The following DNPEP variants were observed in gnomAD, a reference collection of about 807,000 sequenced individuals.
DNPEP encodes aspartyl aminopeptidase.
DNPEP carries 46 observed loss-of-function variants against 59.1 expected under a neutral mutation model. The observed-to-expected ratio is 0.78, with a 90% CI of 0.61 to 0.99. The LOEUF (loss-of-function observed/expected upper bound fraction) is 0.99, where lower values mean the gene tolerates loss of function less well. Among genes scored for constraint, DNPEP ranks in the 50% least tolerant of loss-of-function variants. The probability of loss-of-function intolerance (pLI) is 0.00; values close to 1 mark genes in which losing one functional copy is unlikely to be tolerated. For missense variants in DNPEP, 617 were observed against 649.9 expected (o/e 0.95, Z 0.55); for synonymous variants, 229 against 242.2 (o/e 0.95, Z 0.50).
In DNPEP at chr2:219,373,126, T is replaced by C. The variant is rs1953243342; in HGVS notation, c.*1166A>G. ...CCTTGTTGCCCAGGCTAGAGTGCAA[T>C]GGCAGGATCTTGGCTCACCACAACC... On this transcript the variant is annotated 3_prime_UTR_variant, in exon 15 of 15. Coordinates refer to ENST00000273075, the MANE Select transcript of DNPEP (RefSeq NM_012100.4). 6.6e-6 allele frequency among the ~76,000 whole-genome samples: 1 copy of C among 151,910 alleles called. No individual in the cohort carries two copies. Among genetic ancestry groups the C allele is most frequent in the African/African-American group, 2.4e-5 (1 of 41,352 alleles).
At position 219,374,023 on chromosome 2, in the gene DNPEP, C is replaced by T. The variant is rs976642674; in HGVS notation, c.*269G>A. The T allele has an allele frequency of 4.6e-6, 2 of 436,642 alleles. No homozygotes were observed. Among genetic ancestry groups the T allele is most frequent in the Admixed American group, 7.1e-5 (2 of 28,026 alleles). The allele number at this position is 436,642 out of a possible 1,614,324, so 27.0% of individuals were successfully genotyped here. A position where few individuals can be genotyped will look rare whatever the true frequency, so the allele number is the denominator to read the frequency against. ...CTTGAGGATCCAGTCCACCCTTCAC[C>T]CACTTCAGACATGGACTTGAGACAG... is the stretch of plus-strand genomic sequence containing the variant. On this transcript the variant is annotated 3_prime_UTR_variant, in exon 15 of 15. Coordinates refer to ENST00000273075, the MANE Select transcript of DNPEP (RefSeq NM_012100.4).
chr2:219,383,403 C>T (rs1559336967), intron 9 of DNPEP, among the ~76,000 whole-genome samples, 189 bp from the exon 10 acceptor site: 1 of 151,888 alleles, frequency 6.6e-6, no homozygotes, highest in African/African-American at 2.4e-5. Context: ...TGGTGGGGAC[C>T]TTTTTTTTCT....
chr2:219,374,893 A>T lies in DNPEP; in HGVS notation c.1369T>A (p.Cys457Ser). 6.2e-7 allele frequency: 1 copy of T among 1,614,216 alleles called. No homozygotes were observed. The highest frequency in any genetic ancestry group is 1.1e-5 in the South Asian group (1 of 91,086). ...LAMHSIREMA[C>S]TTGVLQTLTL... ...AGGGTCTGGAGGACTCCTGTGGTGCAGGCCATCTCCCGGATAGAGTGCATG... is the reference window on the plus strand; with the variant it reads ...AGGGTCTGGAGGACTCCTGTGGTGCTGGCCATCTCCCGGATAGAGTGCATG... The change falls in exon 14 of 15, where the codon TGC becomes AGC. Residue 457 changes from cysteine to serine, a missense_variant. Transcript: ENST00000273075.
At chr2:219,393,452 G>GT (rs1954049515), upstream of DNPEP, among the ~76,000 whole-genome samples, 1 of 152,178 alleles carries the variant, frequency 6.6e-6, no homozygotes, top group Admixed American at 6.5e-5. Context: ...GCTAATTTCT[G>GT]TATTTTTAGT....
intron 11 of DNPEP, 66 bp downstream of exon 11, chr2:219,381,913 C>T: frequency 6.3e-7 from 1 of 1,583,694 alleles, no homozygotes. Flanking sequence ...AAGGCAGAGC[C>T]TCAAGGCAGG....
upstream of DNPEP, chr2:219,388,621 G>T: frequency 1.1e-6 from 1 of 879,140 alleles, no homozygotes; most frequent in Non-Finnish European, 1.4e-6. Flanking sequence ...CTGCCGCGGA[G>T]GTGCTAGGAC....
intron 1 of DNPEP, among the ~76,000 whole-genome samples, chr2:219,397,933 G>A (rs990571612): frequency 2.6e-5 from 4 of 151,862 alleles, no homozygotes; most frequent in Admixed American, 6.6e-5. Flanking sequence ...TGGAGTTTCA[G>A]TATGTTGCCC....
rs1182494773 is a variant in DNPEP, at chr2:219,386,041, G to A, written c.517C>T (p.Arg173Cys). The A allele has an allele frequency of 6.2e-6, 10 of 1,614,152 alleles. No individual in the cohort carries two copies. The highest frequency in any genetic ancestry group is 1.1e-5 in the South Asian group (1 of 91,084). The change falls in exon 6 of 15, where the codon CGC becomes TGC. Residue 173 changes from arginine to cysteine, a missense_variant. Arg to Cys is a radical substitution (Grantham distance 180). Coordinates refer to ENST00000273075, the MANE Select transcript of DNPEP (RefSeq NM_012100.4). ...QLVHVERPIL[R>C]IPHLAIHLQR... Reference sequence around the variant, plus strand: ...AGATGGATGGCCAGGTGTGGGATGCGAAGAATGGGCCGCTCCACGTGCACC... The same window carrying A: ...AGATGGATGGCCAGGTGTGGGATGCAAAGAATGGGCCGCTCCACGTGCACC...
intron 10 of DNPEP, 40 bp from the exon 11 acceptor site, chr2:219,382,179 AGGGGC>A: frequency 6.3e-7 from 1 of 1,590,248 alleles, no homozygotes; most frequent in Non-Finnish European, 8.5e-7. Flanking sequence ...ATCTGGGCTT[AGGGGC>A]CTGATCTTGG....
At chr2:219,396,399 C>T (rs768995550) in intron 1 of DNPEP, among the ~76,000 whole-genome samples, 26 of 152,198 alleles carry the variant, frequency 1.7e-4, no homozygotes, top group Non-Finnish European at 3.5e-4. Flanking sequence ...ACCAGCCTTA[C>T]CAACATGGTG....
upstream of DNPEP, among the ~76,000 whole-genome samples, chr2:219,388,167 C>G (rs1356212515): frequency 3.4e-5 from 5 of 145,516 alleles, no homozygotes; most frequent in African/African-American, 1.0e-4. Context: ...ACCGCCCGCC[C>G]CGCCCCTCGT....
At chr2:219,384,280 G>T in intron 9 of DNPEP, 86 bp downstream of exon 9, 1 of 1,329,908 alleles carries the variant, frequency 7.5e-7, no homozygotes, top group Non-Finnish European at 1.0e-6. Context: ...CTCACAACCT[G>T]CTGGGGCTTT....
upstream of DNPEP, among the ~76,000 whole-genome samples, chr2:219,391,293 G>A (rs1230846515): frequency 1.3e-5 from 2 of 151,984 alleles, no homozygotes; most frequent in African/African-American, 2.4e-5. Flanking sequence ...CCTGAACTTT[G>A]GGGGTATGTT....
At position 219,373,784 on chromosome 2, in the gene DNPEP, T is replaced by TGGTC; in HGVS notation, c.*507_*508insGACC. ...ATGAAGGGTGATAAGGTATAGACTG[T>TGGTC]GCCCTTCTCTTTGCAGCTCCTGAGA... On this transcript the variant is annotated 3_prime_UTR_variant, in exon 15 of 15. Transcript: ENST00000273075. 1 of 160,626 alleles carries TGGTC rather than the reference T, an allele frequency of 6.2e-6. No homozygotes were observed. The highest frequency in any genetic ancestry group is 1.9e-4 in the South Asian group (1 of 5,380). 10.0% of individuals were successfully genotyped at this position (160,626 alleles called of 1,614,324 possible).
At chr2:219,384,719 C>G (rs1399384075) in intron 8 of DNPEP, 1 of 288,920 alleles carries the variant, frequency 3.5e-6, no homozygotes, top group Non-Finnish European at 6.7e-6. Flanking sequence ...CAGGCATGCA[C>G]CACCAGGCCC....
upstream of DNPEP, among the ~76,000 whole-genome samples, chr2:219,392,531 T>C (rs2016322): frequency 0.99 from 151,032 of 152,072 alleles, 75,005 homozygotes; most frequent in East Asian, 1. Flanking sequence ...TTTTTTGAGA[T>C]GGAGTCTCAC....
chr2:219,392,109 G>C (rs1204691848), upstream of DNPEP, among the ~76,000 whole-genome samples: 2 of 152,198 alleles, frequency 1.3e-5, no homozygotes, highest in African/African-American at 4.8e-5. Context: ...TGGATTTGGA[G>C]TTCAGGTGGC....
At chr2:219,395,037 C>A (rs1230625225) in intron 1 of DNPEP, among the ~76,000 whole-genome samples, 2 of 152,038 alleles carry the variant, frequency 1.3e-5, no homozygotes, top group African/African-American at 4.8e-5. Flanking sequence ...TTCACTGCAA[C>A]CTCCACCTCC....
rs772451502 is a variant in DNPEP, at chr2:219,387,654, T to C, written c.36+105A>G. 2.0e-5 allele frequency: 32 copies of C among 1,564,244 alleles called. No homozygotes were observed. In the South Asian group the frequency reaches 3.6e-4, roughly 18 times the overall value. On this transcript the variant is annotated intron_variant, in intron 1 of 14. Coordinates refer to ENST00000273075, the MANE Select transcript of DNPEP (RefSeq NM_012100.4). ...CTCCGCGGGGCTTTCGGTTTCGCTTTGGGTCAGGCGGCCCCACTGCAGCAC... is the reference window on the plus strand; with the variant it reads ...CTCCGCGGGGCTTTCGGTTTCGCTTCGGGTCAGGCGGCCCCACTGCAGCAC...
Sources: gnomAD v4.1 joint callset for allele counts (sites outside exome capture counted in the v4.1 genomes callset) on GRCh38, gnomAD v4.1.1 for gene constraint, MANE v1.5 for transcripts, NCBI Gene and HGNC (gene_info 2026-07-23, HGNC 2026-07-21) for gene names.